TOP6BL: variants seen among roughly 807,000 people sequenced by gnomAD.
TOP6BL encodes type 2 DNA topoisomerase 6 subunit B-like.
At chr11:66,782,398 C>T in the TOP6BL span, among the ~76,000 whole-genome samples, 1 of 152,200 alleles carries the variant, frequency 6.6e-6, no homozygotes, top group Non-Finnish European at 1.5e-5. Flanking sequence ...TAGTCCAGAC[C>T]TTGGCCAAGG....
chr11:66,825,197 G>A, the TOP6BL span, among the ~76,000 whole-genome samples: 8 of 151,188 alleles, frequency 5.3e-5, no homozygotes, highest in African/African-American at 1.2e-4. Context: ...GCCCCAGGCC[G>A]GGCGTGGTGG....
the TOP6BL span, chr11:66,744,941 A>G: frequency 8.0e-7 from 1 of 1,249,636 alleles, no homozygotes. Context: ...AAGGGAGAGA[A>G]AGCGGAGGAC....
At chr11:66,809,552 C>G in the TOP6BL span, among the ~76,000 whole-genome samples, 1 of 152,070 alleles carries the variant, frequency 6.6e-6, no homozygotes, top group Non-Finnish European at 1.5e-5. Flanking sequence ...CCAAAGACCT[C>G]TTAAAATTTA....
At chr11:66,762,883 C>A in the TOP6BL span, among the ~76,000 whole-genome samples, 2 of 152,208 alleles carry the variant, frequency 1.3e-5, no homozygotes, top group Non-Finnish European at 2.9e-5. Flanking sequence ...CCTTTTGAAA[C>A]TTCTTTTCTG....
chr11:66,822,626 T>C, the TOP6BL span: 1 of 1,553,042 alleles, frequency 6.4e-7, no homozygotes, highest in South Asian at 1.2e-5. Context: ...GTATTCTGAC[T>C]GGAAGCACTA....
At chr11:66,755,765 C>T in the TOP6BL span, among the ~76,000 whole-genome samples, 11 of 152,152 alleles carry the variant, frequency 7.2e-5, no homozygotes, top group Non-Finnish European at 1.3e-4. Flanking sequence ...TGTTCCATGC[C>T]TCTCTCCTAG....
the TOP6BL span, among the ~76,000 whole-genome samples, chr11:66,842,513 A>AG: frequency 6.6e-6 from 1 of 152,192 alleles, no homozygotes. Flanking sequence ...CAGAAAGGTG[A>AG]GGGGGGACAG....
the TOP6BL span, among the ~76,000 whole-genome samples, chr11:66,777,537 A>T: frequency 6.6e-6 from 1 of 152,188 alleles, no homozygotes; most frequent in Admixed American, 6.5e-5. Flanking sequence ...GATTAATTTT[A>T]TGAGATAGAA....
chr11:66,759,073 T>C, the TOP6BL span: 1 of 1,568,264 alleles, frequency 6.4e-7, no homozygotes, highest in Non-Finnish European at 8.7e-7. Flanking sequence ...TTTGGTGGCA[T>C]GGTCCTCAAG....
chr11:66,830,897 A>G, the TOP6BL span, among the ~76,000 whole-genome samples: 15 of 152,220 alleles, frequency 9.9e-5, no homozygotes, highest in African/African-American at 3.6e-4. Flanking sequence ...TCCTCAATAT[A>G]TAAAGAACTC....
the TOP6BL span, among the ~76,000 whole-genome samples, chr11:66,761,175 T>C: frequency 1.3e-5 from 2 of 151,972 alleles, no homozygotes; most frequent in African/African-American, 4.8e-5. Flanking sequence ...ATCGAGACCA[T>C]CCTGGCTAAC....
the TOP6BL span, among the ~76,000 whole-genome samples, chr11:66,773,343 T>A: frequency 6.6e-6 from 1 of 151,114 alleles, no homozygotes; most frequent in Non-Finnish European, 1.5e-5. Context: ...CACGTACCAC[T>A]GCACCTGGCC....
At chr11:66,828,483 G>GA in the TOP6BL span, 1 of 686,082 alleles carries the variant, frequency 1.5e-6, no homozygotes, top group Non-Finnish European at 2.5e-6. Flanking sequence ...CAGCCTTTCA[G>GA]CAAGGAAGTC....
chr11:66,787,029 G>C, the TOP6BL span, among the ~76,000 whole-genome samples: 2 of 151,926 alleles, frequency 1.3e-5, no homozygotes, highest in African/African-American at 2.4e-5. Context: ...CACCTCCCAG[G>C]TTCAAGCAAG....
chr11:66,842,959 C>A, the TOP6BL span: 1 of 1,553,030 alleles, frequency 6.4e-7, no homozygotes, highest in Non-Finnish European at 8.7e-7. Flanking sequence ...GGCCGCCCCG[C>A]GCCGCCCGGA....
chr11:66,767,765 T>C, the TOP6BL span, among the ~76,000 whole-genome samples: 1 of 152,182 alleles, frequency 6.6e-6, no homozygotes, highest in Non-Finnish European at 1.5e-5. Context: ...GCTACCCTTT[T>C]GGTGTCAGGG....
the TOP6BL span, chr11:66,822,725 T>C: frequency 3.4e-5 from 44 of 1,283,736 alleles, no homozygotes; most frequent in Non-Finnish European, 4.4e-5. Context: ...GGGTTTTGGC[T>C]GGGTACGGTG....
chr11:66,771,125 G>A, the TOP6BL span: 1 of 149,722 alleles, frequency 6.7e-6, no homozygotes, highest in Admixed American at 6.6e-5. Flanking sequence ...TTTCTGAAAA[G>A]GTTGAGGTTA....
the TOP6BL span, among the ~76,000 whole-genome samples, chr11:66,823,649 G>A: frequency 7.2e-5 from 11 of 151,734 alleles, no homozygotes; most frequent in Non-Finnish European, 1.2e-4. Flanking sequence ...GTGAAACCCC[G>A]TCTCTACTAA....
Sources: allele counts gnomAD v4.1 joint callset (sites outside exome capture counted in the v4.1 genomes callset), GRCh38; gene constraint gnomAD v4.1.1; transcripts MANE v1.5; gene names NCBI Gene and HGNC (gene_info 2026-07-23, HGNC 2026-07-21).